KIAA1217: variants seen among roughly 807,000 people sequenced by gnomAD.
KIAA1217 encodes sickle tail protein homolog.
KIAA1217 carries 88 observed loss-of-function variants against 163.9 expected under a neutral mutation model. The ratio of observed to expected loss-of-function variants is 0.54; its 90% CI spans 0.45 to 0.64. The LOEUF (loss-of-function observed/expected upper bound fraction) is 0.64, where lower values mean the gene tolerates loss of function less well. KIAA1217 is among the 30% of genes least tolerant of loss of function. The pLI is 0.00. For missense variants in KIAA1217, 2,372 were observed against 2,475.0 expected (o/e 0.96, Z 0.88); for synonymous variants, 903 against 923.1 (o/e 0.98, Z 0.39).
intron 2 of KIAA1217, among the ~76,000 whole-genome samples, chr10:24,326,021 C>T (rs757456027): frequency 3.2e-4 from 49 of 152,246 alleles, no homozygotes; most frequent in Non-Finnish European, 5.4e-4. Context: ...GTTAACAGGA[C>T]CTGCCCCGCT....
In KIAA1217 at chr10:24,266,429, T is replaced by C. The variant is rs16924452; in HGVS notation, c.354+46520T>C. Among the ~76,000 whole-genome samples the C allele has an allele frequency of 6.5e-3, 996 of 152,264 alleles. 10 individuals carry two copies. Among genetic ancestry groups the C allele is most frequent in the African/African-American group, 0.023 (954 of 41,548 alleles). ...TGTCCAAAGACTTCATCTTTTCTCC[T>C]TCCCTGATACCATTGCATTCAGCCA... On this transcript the variant is annotated intron_variant, in intron 2 of 20. Coordinates refer to ENST00000376454, the MANE Select transcript of KIAA1217 (RefSeq NM_019590.5).
At chr10:23,962,856 C>CT (rs1564569030) in intron 1 of KIAA1217, among the ~76,000 whole-genome samples, 1 of 152,182 alleles carries the variant, frequency 6.6e-6, no homozygotes, top group Non-Finnish European at 1.5e-5. Flanking sequence ...ACCAGCTCCC[C>CT]TTTAACTAGT....
chr10:24,161,214 T>C (rs1700920406), intron 2 of KIAA1217, among the ~76,000 whole-genome samples: 1 of 152,200 alleles, frequency 6.6e-6, no homozygotes, highest in African/African-American at 2.4e-5. Context: ...GGAAACATGT[T>C]CTGGGAAACT....
chr10:23,749,701 G>A lies in KIAA1217; in HGVS notation c.-321+54467G>A, dbSNP rs143267462. Among the ~76,000 whole-genome samples, 764 of 152,218 alleles carry A rather than the reference G, an allele frequency of 5.0e-3. 25 individuals are homozygous for A. The highest frequency in any genetic ancestry group is 0.041 in the Admixed American group (631 of 15,292). ...ATTATAGGCGTGAGCCACCTCGCCCGGCATTTTGATCTTTTTTCTTTGAAT... is the reference window on the plus strand; with the variant it reads ...ATTATAGGCGTGAGCCACCTCGCCCAGCATTTTGATCTTTTTTCTTTGAAT... On this transcript the variant is annotated intron_variant, in intron 1 of 18. Coordinates refer to the KIAA1217 transcript ENST00000376462.
chr10:24,484,636 T>C (rs553800964), intron 6 of KIAA1217, among the ~76,000 whole-genome samples: 28 of 152,148 alleles, frequency 1.8e-4, no homozygotes, highest in Middle Eastern at 3.4e-3. Flanking sequence ...CATAGCTCAC[T>C]GCAGCCTCGA....
At chr10:24,520,641 A>ATATATATATATATT (rs1554926651) in intron 11 of KIAA1217, among the ~76,000 whole-genome samples, 1 of 87,076 alleles carries the variant, frequency 1.1e-5, no homozygotes, top group African/African-American at 6.0e-5. Flanking sequence ...AAAAAAAAAA[A>ATATATATATATATT]AAAAAAAAAA....
intron 9 of KIAA1217, among the ~76,000 whole-genome samples, chr10:24,504,898 C>T (rs1214551274): frequency 6.6e-6 from 1 of 152,136 alleles, no homozygotes; most frequent in Non-Finnish European, 1.5e-5. Flanking sequence ...TCAAGGAAAC[C>T]ACTAAAAGCT....
chr10:24,381,752 C>T (rs1177262985), intron 3 of KIAA1217, among the ~76,000 whole-genome samples: 1 of 152,194 alleles, frequency 6.6e-6, no homozygotes, highest in African/African-American at 2.4e-5. Context: ...CAACCCTCCT[C>T]TCCAGTCCCA....
At chr10:23,926,621 A>G (rs952756682) in intron 1 of KIAA1217, among the ~76,000 whole-genome samples, 1 of 151,996 alleles carries the variant, frequency 6.6e-6, no homozygotes, top group Non-Finnish European at 1.5e-5. Context: ...GCTACTCAGG[A>G]GGCTGAGGCA....
chr10:23,701,409 A>C (rs1836440384), intron 1 of KIAA1217, among the ~76,000 whole-genome samples: 1 of 152,186 alleles, frequency 6.6e-6, no homozygotes, highest in Admixed American at 6.5e-5. Context: ...TGAGAGAGCC[A>C]CATTCTCTCA....
At chr10:24,251,197 G>A (rs1004038661) in intron 2 of KIAA1217, among the ~76,000 whole-genome samples, 3 of 152,016 alleles carry the variant, frequency 2.0e-5, no homozygotes, top group Admixed American at 6.6e-5. Flanking sequence ...CTGCACTCCA[G>A]CCTGGGCGAC....
chr10:24,118,793 T>G (rs184567133), intron 2 of KIAA1217, among the ~76,000 whole-genome samples: 43 of 152,222 alleles, frequency 2.8e-4, no homozygotes, highest in African/African-American at 9.6e-4. Context: ...GGAAGATTTC[T>G]CAAAGATTTG....
intron 2 of KIAA1217, among the ~76,000 whole-genome samples, chr10:24,267,546 C>A (rs1214605451): frequency 6.6e-6 from 1 of 152,188 alleles, no homozygotes; most frequent in East Asian, 1.9e-4. Context: ...CTCCTGGCCT[C>A]AAATGATCTT....
intron 2 of KIAA1217, among the ~76,000 whole-genome samples, chr10:24,227,373 G>A (rs916914748): frequency 3.3e-5 from 5 of 151,764 alleles, no homozygotes; most frequent in African/African-American, 1.2e-4. Context: ...TGGCCAGGCT[G>A]ATCTCAAACT....
intron 1 of KIAA1217, among the ~76,000 whole-genome samples, chr10:23,872,461 CT>C (rs1840500542): frequency 6.6e-6 from 1 of 152,116 alleles, no homozygotes; most frequent in Non-Finnish European, 1.5e-5. Context: ...TGAGGACCCC[CT>C]GCCTCTGCCT....
In KIAA1217 at chr10:23,847,461, G is replaced by A. The variant is rs112223023; in HGVS notation, c.-321+152227G>A. Among the ~76,000 whole-genome samples, 735 of 152,244 alleles carry A rather than the reference G, an allele frequency of 4.8e-3. 10 individuals are homozygous for A. The highest frequency in any genetic ancestry group is 0.016 in the African/African-American group (662 of 41,548). ...CTTCCTGGTTTAAACTCGGGAGGGT[G>A]TATGTGTCCAGGAATTTATCCATTT... is the stretch of plus-strand genomic sequence containing the variant. On this transcript the variant is annotated intron_variant, in intron 1 of 18. Coordinates refer to the KIAA1217 transcript ENST00000376462.
intron 2 of KIAA1217, among the ~76,000 whole-genome samples, chr10:24,311,279 A>G (rs753903158): frequency 6.6e-6 from 1 of 152,056 alleles, no homozygotes; most frequent in Non-Finnish European, 1.5e-5. Context: ...AGACTGGTTG[A>G]TATTTGGAGG....
intron 2 of KIAA1217, among the ~76,000 whole-genome samples, chr10:24,030,318 T>TG (rs1848139977): frequency 6.6e-6 from 1 of 152,076 alleles, no homozygotes; most frequent in Non-Finnish European, 1.5e-5. Context: ...GACTGGATCA[T>TG]GGGGGTGGTT....
In KIAA1217 at chr10:24,521,712, C is replaced by T. The variant is rs200174001; in HGVS notation, c.2309-70C>T. 99 of 1,540,382 alleles carry T rather than the reference C, an allele frequency of 6.4e-5. 1 individual carries two copies. The South Asian group carries it at 7.1e-4, about 11-fold the overall frequency. On this transcript the variant is annotated intron_variant, in intron 11 of 20. Coordinates refer to ENST00000376454, the MANE Select transcript of KIAA1217 (RefSeq NM_019590.5). The stretch of plus-strand genomic sequence containing the variant: ...AACTCTGCACTTCTCTGTCCAGTAT[C>T]GGAGTGCGGGATGAGGGTTGTCGTT...
Sources: allele counts gnomAD v4.1 joint callset (sites outside exome capture counted in the v4.1 genomes callset), GRCh38; gene constraint gnomAD v4.1.1; transcripts MANE v1.5; gene names NCBI Gene and HGNC (gene_info 2026-07-23, HGNC 2026-07-21).